The following RAP1GAP2 variants were observed in gnomAD, a reference collection of about 807,000 sequenced individuals.
The protein encoded by RAP1GAP2 is rap1 GTPase-activating protein 2.
A neutral mutation model predicts 95.0 loss-of-function variants in RAP1GAP2; 27 were observed. The observed-to-expected ratio is 0.28, with a 90% CI of 0.21 to 0.39. RAP1GAP2 has a LOEUF of 0.39. Ranked by LOEUF, RAP1GAP2 falls within the 10% of genes least tolerant of loss-of-function variation. The pLI, the probability that RAP1GAP2 is intolerant of heterozygous loss-of-function variation, is 1.00. For missense variants in RAP1GAP2, 771 were observed against 970.0 expected (o/e 0.79, Z 2.72); for synonymous variants, 373 against 380.9 (o/e 0.98, Z 0.24).
intron 2 of RAP1GAP2, among the ~76,000 whole-genome samples, chr17:2,821,438 C>T (rs970480183): frequency 6.1e-5 from 9 of 147,130 alleles, no homozygotes; most frequent in African/African-American, 1.8e-4. Context: ...TGCAGTGGCA[C>T]GCTTACAGTT....
Position 2,779,218 on chromosome 17 carries a change from G to A in RAP1GAP2, c.-14+1940G>A, listed in dbSNP as rs117200603. Among the ~76,000 whole-genome samples, 25 of 152,334 alleles carry A rather than the reference G, an allele frequency of 1.6e-4. No individual in the cohort carries two copies. In the East Asian group the frequency reaches 3.9e-3, roughly 23 times the overall value. ...AGGTGCCTAACACTGCGTGACCTTG[G>A]CCAAATTACCTGACTTCTCTGAGCC... On this transcript the variant is annotated intron_variant, in intron 1 of 24. Coordinates refer to the RAP1GAP2 transcript ENST00000540393.
chr17:2,913,780 C>T (rs1222178465), intron 3 of RAP1GAP2, among the ~76,000 whole-genome samples: 1 of 152,216 alleles, frequency 6.6e-6, no homozygotes, highest in African/African-American at 2.4e-5. Flanking sequence ...CAGAAAGTTC[C>T]CATTGTCCTG....
chr17:2,828,188 A>G (rs1437370804), intron 2 of RAP1GAP2, among the ~76,000 whole-genome samples: 4 of 152,116 alleles, frequency 2.6e-5, no homozygotes, highest in Admixed American at 2.6e-4. Flanking sequence ...TAAAAATACA[A>G]AAATTAGCAG....
At chr17:3,017,730 C>G (rs2046817072) in intron 17 of RAP1GAP2, among the ~76,000 whole-genome samples, 1 of 152,068 alleles carries the variant, frequency 6.6e-6, no homozygotes, top group Admixed American at 6.5e-5. Flanking sequence ...GAGCTCCAAG[C>G]CTCATTTTCC....
At chr17:2,969,983 C>T (rs1463773168) in intron 8 of RAP1GAP2, among the ~76,000 whole-genome samples, 1 of 151,916 alleles carries the variant, frequency 6.6e-6, no homozygotes, top group African/African-American at 2.4e-5. Context: ...TTATTTAATA[C>T]ATCCCCTGGG....
chr17:3,001,909 A>C (rs1597842354), intron 14 of RAP1GAP2, among the ~76,000 whole-genome samples: 1 of 151,992 alleles, frequency 6.6e-6, no homozygotes, highest in African/African-American at 2.4e-5. Flanking sequence ...CAGAGATCCA[A>C]AAAAGCGCCA....
chr17:3,007,986 C>G (rs1415064291), intron 16 of RAP1GAP2, 25 bp from the exon 17 acceptor site: 1 of 1,610,160 alleles, frequency 6.2e-7, no homozygotes, highest in South Asian at 1.1e-5. Context: ...GCCAGCTTCT[C>G]CATCCCCACC....
chr17:2,862,288 C>T lies in RAP1GAP2; in HGVS notation c.81-42996C>T, dbSNP rs187517125. 3.9e-5 allele frequency among the ~76,000 whole-genome samples: 6 copies of T among 152,230 alleles called. No homozygotes were observed. In the East Asian group the frequency reaches 7.7e-4, roughly 20 times the overall value. On this transcript the variant is annotated intron_variant, in intron 2 of 24. Coordinates refer to ENST00000254695, the MANE Select transcript of RAP1GAP2 (RefSeq NM_015085.5). ...ATTTATGCCAAAGAGGGGCAGTGGG[C>T]GTCTGAATTAGTGGACAGTCGCCAT...
chr17:2,907,931 C>T (rs777801596), intron 3 of RAP1GAP2, among the ~76,000 whole-genome samples: 5 of 152,100 alleles, frequency 3.3e-5, no homozygotes, highest in Admixed American at 2.6e-4. Context: ...CTGAGCCTCC[C>T]GAGTAGCTGG....
At chr17:2,784,364 G>A (rs57240356) in intron 1 of RAP1GAP2, among the ~76,000 whole-genome samples, 1,639 of 152,002 alleles carry the variant, frequency 0.011, 27 homozygotes, top group African/African-American at 0.033. Flanking sequence ...TCCATCTCCC[G>A]GACTCAAGCG....
At chr17:2,801,907 C>T (rs1021403918) in intron 2 of RAP1GAP2, among the ~76,000 whole-genome samples, 1 of 152,118 alleles carries the variant, frequency 6.6e-6, no homozygotes, top group Non-Finnish European at 1.5e-5. Flanking sequence ...GCATCCTGAT[C>T]TCCTTTTTCT....
At position 2,855,413 on chromosome 17, in the gene RAP1GAP2, A is replaced by G. The variant is rs373938237; in HGVS notation, c.81-49871A>G. 6.6e-6 allele frequency among the ~76,000 whole-genome samples: 1 copy of G among 152,196 alleles called. No homozygotes were observed. The highest frequency in any genetic ancestry group is 2.4e-5 in the African/African-American group (1 of 41,438). On this transcript the variant is annotated intron_variant, in intron 2 of 24. Transcript: ENST00000254695. This position sits in a 1 kb window ranked among gnomAD's most constrained non-coding sequence, Gnocchi z 4.3. ...AATCTTCCTTTTGTAATTAAGAGAGAGCAGACCTCCGGCTCCCGGTCCTCT... is the reference window on the plus strand; with the variant it reads ...AATCTTCCTTTTGTAATTAAGAGAGGGCAGACCTCCGGCTCCCGGTCCTCT...
chr17:2,899,206 T>C (rs1055437933), intron 2 of RAP1GAP2, among the ~76,000 whole-genome samples: 3 of 151,284 alleles, frequency 2.0e-5, no homozygotes, highest in Admixed American at 1.3e-4. Context: ...TATTTTTATT[T>C]TATTTTATTT....
chr17:2,780,059 C>CT (rs971269123), intron 1 of RAP1GAP2, among the ~76,000 whole-genome samples: 18 of 151,936 alleles, frequency 1.2e-4, no homozygotes, highest in Middle Eastern at 3.4e-3. Context: ...CTCCTCGTTC[C>CT]TTTTTTTTGA....
intron 7 of RAP1GAP2, among the ~76,000 whole-genome samples, 153 bp downstream of exon 7, chr17:2,964,221 G>A (rs1189643939): frequency 7.8e-6 from 1 of 127,634 alleles, no homozygotes; most frequent in Non-Finnish European, 1.7e-5. Context: ...GGTGAGGCTG[G>A]GAGAGGCTGT....
At chr17:3,020,412 A>G (rs1026246582) in intron 18 of RAP1GAP2, 65 bp from the exon 19 acceptor site, 2 of 1,285,616 alleles carry the variant, frequency 1.6e-6, no homozygotes, top group African/African-American at 2.9e-5. Context: ...ACCAGGGAGG[A>G]GGATGAGGGG....
chr17:2,767,663 G>A (rs532216649), intron 1 of RAP1GAP2, among the ~76,000 whole-genome samples: 1 of 151,876 alleles, frequency 6.6e-6, no homozygotes, highest in South Asian at 2.1e-4. Flanking sequence ...TAGCACATGG[G>A]AACACCCTCA....
intron 3 of RAP1GAP2, among the ~76,000 whole-genome samples, chr17:2,942,138 T>G (rs2151433663): frequency 2.0e-5 from 3 of 152,284 alleles, no homozygotes; most frequent in Admixed American, 2.0e-4. Context: ...GATCTGAATT[T>G]GAATCAGGAT....
chr17:2,758,171 GC>G (rs35795921), intron 1 of RAP1GAP2, among the ~76,000 whole-genome samples: 1,859 of 104,620 alleles, frequency 0.018, 38 homozygotes, highest in Middle Eastern at 0.033. Context: ...GCCTGGCCAC[GC>G]CCCCCCCCCT....
Sources: gnomAD v4.1 joint callset for allele counts (sites outside exome capture counted in the v4.1 genomes callset) on GRCh38, gnomAD v4.1.1 for gene constraint, Gnocchi (gnomAD v3.1) non-coding constraint, MANE v1.5 for transcripts, NCBI Gene and HGNC (gene_info 2026-07-23, HGNC 2026-07-21) for gene names.